Variants in ATG7 observed in about 807,000 individuals in gnomAD.
ATG7 encodes the protein autophagy related 7, also known as ubiquitin-like modifier-activating enzyme ATG7.
ATG7 carries 70 observed loss-of-function variants against 82.4 expected under a neutral mutation model. The observed-to-expected ratio is 0.85, with a 90% CI of 0.70 to 1.04. ATG7 has a LOEUF of 1.04. Ranked by LOEUF, ATG7 falls within the 50% of genes least tolerant of loss-of-function variation. The probability of loss-of-function intolerance (pLI) is 0.00; values close to 1 mark genes in which losing one functional copy is unlikely to be tolerated. For missense variants in ATG7, 792 were observed against 864.3 expected, an observed-to-expected ratio of 0.92 and a Z score of 1.05; for synonymous variants, 287 against 313.0, an observed-to-expected ratio of 0.92 and a Z score of 0.88.
At position 11,557,620 on chromosome 3, in the gene ATG7, A is replaced by T. The variant is rs908457065; in HGVS notation, c.*2777A>T. 1 of 152,804 alleles carries T rather than the reference A, an allele frequency of 6.5e-6. No individual in the cohort carries two copies. Among genetic ancestry groups the T allele is most frequent in the Non-Finnish European group, 1.5e-5 (1 of 68,056 alleles). 9.5% of individuals were successfully genotyped at this position (152,804 alleles called of 1,614,324 possible). ...GAGTACAACTGTACCAGCAGTAAGT[A>T]TATCTAGGACTGTAACTGACAAAAA... On this transcript the variant is annotated 3_prime_UTR_variant, in exon 21 of 21. Transcript: ENST00000693202.
chr3:11,284,213 C>G (rs1943555437), intron 3 of ATG7, among the ~76,000 whole-genome samples: 1 of 152,148 alleles, frequency 6.6e-6, no homozygotes. Flanking sequence ...ATATCCTACA[C>G]TTCTTCATTT....
intron 20 of ATG7, among the ~76,000 whole-genome samples, chr3:11,439,228 C>A (rs930470350): frequency 6.6e-6 from 1 of 151,914 alleles, no homozygotes; most frequent in Non-Finnish European, 1.5e-5. Flanking sequence ...ACCACCACGC[C>A]CGGCTATTTT....
intron 20 of ATG7, among the ~76,000 whole-genome samples, chr3:11,460,748 T>C (rs1177381248): frequency 6.6e-6 from 1 of 152,172 alleles, no homozygotes; most frequent in Non-Finnish European, 1.5e-5. Context: ...ATAATATCTA[T>C]ACAGTGAGAT....
intron 19 of ATG7, among the ~76,000 whole-genome samples, chr3:11,417,728 CTA>C (rs1253218080): frequency 1.3e-5 from 2 of 149,786 alleles, no homozygotes; most frequent in African/African-American, 4.9e-5. Context: ...TTCTTTTTTG[CTA>C]TATTTGTCTT....
intron 20 of ATG7, among the ~76,000 whole-genome samples, chr3:11,481,251 T>C (rs1269847205): frequency 6.6e-6 from 1 of 152,214 alleles, no homozygotes; most frequent in Non-Finnish European, 1.5e-5. Context: ...TGGTGACGGT[T>C]GCACAACAGT....
rs905876452 is a variant in ATG7 at position 11,364,702 on chromosome 3, C to G, written c.1843C>G (p.Pro615Ala). The change falls in exon 18 of 21, where the codon CCT becomes GCT. Residue 615 changes from proline (P) to alanine (A), a missense_variant. Coordinates refer to ENST00000693202, the MANE Select transcript of ATG7 (RefSeq NM_001349232.2). ...ASSSDDRMNE[P>A]PTSLGLVPHQ... ...CAGCAGTGACGATCGGATGAATGAG[C>G]CTCCAACCTCTCTTGGGCTTGTGCC... 1 of 1,614,020 alleles carries G rather than the reference C, an allele frequency of 6.2e-7. No individual in the cohort carries two copies. The highest frequency in any genetic ancestry group is 1.3e-5 in the African/African-American group (1 of 74,916).
At chr3:11,452,734 G>T (rs974600820) in intron 20 of ATG7, among the ~76,000 whole-genome samples, 7 of 152,160 alleles carry the variant, frequency 4.6e-5, no homozygotes, top group African/African-American at 7.2e-5. Flanking sequence ...GGTTAGGATT[G>T]GGGAACTGAG....
chr3:11,550,835 T>G (rs1309390535), intron 20 of ATG7, among the ~76,000 whole-genome samples: 1 of 152,138 alleles, frequency 6.6e-6, no homozygotes, highest in African/African-American at 2.4e-5. Flanking sequence ...TGTATCCATT[T>G]TTTTATTGCT....
At chr3:11,400,247 T>A (rs757757078) in intron 19 of ATG7, among the ~76,000 whole-genome samples, 1 of 152,188 alleles carries the variant, frequency 6.6e-6, no homozygotes, top group African/African-American at 2.4e-5. Context: ...CTGAGTCCAA[T>A]GTAAGTTTTC....
At chr3:11,416,941 A>AT (rs762704064) in intron 19 of ATG7, among the ~76,000 whole-genome samples, 19 of 152,056 alleles carry the variant, frequency 1.2e-4, no homozygotes, top group East Asian at 5.8e-4. Flanking sequence ...TTATCTTGAG[A>AT]TTTTTTATTC....
At chr3:11,534,799 T>C (rs1177619468) in intron 20 of ATG7, among the ~76,000 whole-genome samples, 1 of 152,214 alleles carries the variant, frequency 6.6e-6, no homozygotes, top group African/African-American at 2.4e-5. Context: ...CCTGGCCACT[T>C]TGGGACTGCA....
At chr3:11,397,746 C>T (rs1291162807) in intron 19 of ATG7, among the ~76,000 whole-genome samples, 5 of 140,404 alleles carry the variant, frequency 3.6e-5, no homozygotes, top group South Asian at 4.9e-4. Context: ...CGTGCACCCA[C>T]GCCCAGCCCG....
At chr3:11,444,349 T>G (rs995781649) in intron 20 of ATG7, among the ~76,000 whole-genome samples, 1 of 152,186 alleles carries the variant, frequency 6.6e-6, no homozygotes, top group Non-Finnish European at 1.5e-5. Flanking sequence ...GGGGATAATT[T>G]AATGCCAACA....
chr3:11,347,741 C>T, intron 13 of ATG7, 136 bp from the exon 14 acceptor site: 2 of 909,562 alleles, frequency 2.2e-6, no homozygotes, highest in Non-Finnish European at 1.6e-6. Context: ...TGAATTTGCA[C>T]AATTCAGTTT....
intron 3 of ATG7, among the ~76,000 whole-genome samples, chr3:11,297,167 G>A (rs572666537): frequency 6.6e-6 from 1 of 152,198 alleles, no homozygotes; most frequent in South Asian, 2.1e-4. Context: ...ACCAGCCTGG[G>A]TGACATGACA....
At chr3:11,527,025 ATGTGTGTGTGTATATATGTGTGTG>A (rs1168451161) in intron 20 of ATG7, among the ~76,000 whole-genome samples, 25 of 146,134 alleles carry the variant, frequency 1.7e-4, no homozygotes, top group Admixed American at 1.6e-3. Context: ...TAGTATATAT[ATGTGTGTGTGTATATATGTGTGTG>A]TGTGTGTGTG....
At position 11,493,236 on chromosome 3, in the gene ATG7, G is replaced by C. The variant is rs544377975; in HGVS notation, c.2080-61575G>C. Reference sequence around the variant, plus strand: ...TCCCCTGAAGTCAATTTGCCTCTCTGCCCCTCTTCTCCAAAGTCAAGTTGC... The same window carrying C: ...TCCCCTGAAGTCAATTTGCCTCTCTCCCCCTCTTCTCCAAAGTCAAGTTGC... On this transcript the variant is annotated intron_variant, in intron 20 of 20. Transcript: ENST00000693202. 3.9e-5 allele frequency among the ~76,000 whole-genome samples: 6 copies of C among 152,316 alleles called. No homozygotes were observed. The East Asian group carries it at 1.2e-3, about 29-fold the overall frequency.
intron 20 of ATG7, among the ~76,000 whole-genome samples, chr3:11,459,610 A>G (rs2086110594): frequency 6.6e-6 from 1 of 152,110 alleles, no homozygotes. Flanking sequence ...CAGGGAAGTA[A>G]TGGGCTGCCT....
intron 20 of ATG7, among the ~76,000 whole-genome samples, chr3:11,543,833 T>C (rs1298557006): frequency 6.6e-6 from 1 of 152,068 alleles, no homozygotes; most frequent in Non-Finnish European, 1.5e-5. Context: ...ACCGCGGACC[T>C]CTGGGGACGG....
Sources: allele counts gnomAD v4.1 joint callset (sites outside exome capture counted in the v4.1 genomes callset), GRCh38; gene constraint gnomAD v4.1.1; transcripts MANE v1.5; gene names NCBI Gene and HGNC (gene_info 2026-07-23, HGNC 2026-07-21).